The following PCDHGA2 variants were observed in gnomAD, a reference collection of about 807,000 sequenced individuals.
The protein encoded by PCDHGA2 is protocadherin gamma-A2.
A neutral mutation model predicts 59.2 loss-of-function variants in PCDHGA2; 40 were observed. That is an observed-to-expected ratio of 0.68 (90% CI 0.52 to 0.88). The LOEUF is 0.88. Ranked by LOEUF, PCDHGA2 falls within the 40% of genes least tolerant of loss-of-function variation. PCDHGA2 has a pLI of 0.00. For missense variants in PCDHGA2, 1,226 were observed against 1,204.0 expected (o/e 1.02, Z -0.27); for synonymous variants, 560 against 526.0 (o/e 1.06, Z -0.89).
intron 1 of PCDHGA2, chr5:141,362,414 C>A (rs1399148025): frequency 6.2e-7 from 1 of 1,614,058 alleles, no homozygotes; most frequent in South Asian, 1.1e-5. Context: ...GCCTCACAAT[C>A]AGCCAAGACA....
At chr5:141,473,884 G>T (rs1162382168) in intron 1 of PCDHGA2, among the ~76,000 whole-genome samples, 1 of 152,162 alleles carries the variant, frequency 6.6e-6, no homozygotes, top group African/African-American at 2.4e-5. Context: ...ATACACAAGG[G>T]TTCTGTTGGT....
intron 1 of PCDHGA2, chr5:141,393,035 CTT>C: frequency 6.2e-7 from 1 of 1,613,790 alleles, no homozygotes; most frequent in South Asian, 1.1e-5. Flanking sequence ...GGACGCAGCT[CTT>C]TGCTCTGAAC....
Position 141,477,337 on chromosome 5 carries a change from C to T in PCDHGA2, c.2425-17470C>T. ...TTACTTCTTCCCTCAAGAATTACTT[C>T]ACTTTGAAAACCAGTGCAGACCTGG... On this transcript the variant is annotated intron_variant, in intron 1 of 3. Transcript: ENST00000394576. The surrounding 1 kb of genome is among the most constrained non-coding windows in gnomAD (Gnocchi z 4.9). The T allele has an allele frequency of 1.2e-6, 2 of 1,614,166 alleles. No individual in the cohort carries two copies. Among genetic ancestry groups the T allele is most frequent in the Non-Finnish European group, 1.7e-6 (2 of 1,180,028 alleles).
At chr5:141,365,272 C>A in intron 1 of PCDHGA2, 1 of 1,613,984 alleles carries the variant, frequency 6.2e-7, no homozygotes, top group Non-Finnish European at 8.5e-7. Context: ...AATCCAGATT[C>A]TACCTCATGG....
chr5:141,428,454 C>A, intron 1 of PCDHGA2: 1 of 365,394 alleles, frequency 2.7e-6, no homozygotes, highest in Non-Finnish European at 5.2e-6. Context: ...TTTTTCCCAA[C>A]TACAATGAGG....
intron 1 of PCDHGA2, chr5:141,408,041 C>T: frequency 1.7e-6 from 2 of 1,193,652 alleles, no homozygotes; most frequent in Non-Finnish European, 2.3e-6. Context: ...AAACCAGCTC[C>T]CACACAGAGC....
In PCDHGA2 at chr5:141,432,330, A is replaced by G. The variant is rs760184218; in HGVS notation, c.2425-62477A>G. 82 of 1,614,134 alleles carry G rather than the reference A, an allele frequency of 5.1e-5. No individual in the cohort carries two copies. The highest frequency in any genetic ancestry group is 6.8e-5 in the Non-Finnish European group (80 of 1,180,048). Reference sequence around the variant, plus strand: ...GCGCTGAGCTCCTTCGACTACGAGCAGTTCCGAGACTTGCAAGTGAAAGTG... The same window carrying G: ...GCGCTGAGCTCCTTCGACTACGAGCGGTTCCGAGACTTGCAAGTGAAAGTG... On this transcript the variant is annotated intron_variant, in intron 1 of 3. Transcript: ENST00000394576. The surrounding 1 kb of genome is among the most constrained non-coding windows in gnomAD (Gnocchi z 6.0).
Position 141,383,339 on chromosome 5 carries a change from C to T in PCDHGA2, c.2424+41944C>T, listed in dbSNP as rs1244023518. ...AATGTAAAAATAATGGAGAATACAG[C>T]TCCTGGGGTTCGGTTTCCGTTAAGC... On this transcript the variant is annotated intron_variant, in intron 1 of 3. Transcript: ENST00000394576. The T allele has an allele frequency of 3.7e-6, 6 of 1,614,014 alleles. No homozygotes were observed. The highest frequency in any genetic ancestry group is 3.3e-5 in the Admixed American group (2 of 60,036).
Position 141,432,972 on chromosome 5 carries a change from C to T in PCDHGA2, c.2425-61835C>T. 1 of 1,614,218 alleles carries T rather than the reference C, an allele frequency of 6.2e-7. No homozygotes were observed. Among genetic ancestry groups the T allele is most frequent in the African/African-American group, 1.3e-5 (1 of 75,058 alleles). ...GGCGGCTTGACAGGAGCGCCGGCGT[C>T]GCACTTTGTGGGCGTGGACGGGGTG... On this transcript the variant is annotated intron_variant, in intron 1 of 3. Coordinates refer to ENST00000394576, the MANE Select transcript of PCDHGA2 (RefSeq NM_018915.4). This position sits in a 1 kb window ranked among gnomAD's most constrained non-coding sequence, Gnocchi z 6.0.
Position 141,338,819 on chromosome 5 carries a change from G to A in PCDHGA2, c.-153G>A, listed in dbSNP as rs762766737. On this transcript the variant is annotated 5_prime_UTR_variant, in exon 1 of 4. Coordinates refer to ENST00000394576, the MANE Select transcript of PCDHGA2 (RefSeq NM_018915.4). Reference sequence around the variant, plus strand: ...TGGAGGTTTGGCCCTAAAGCTTCAGGACACCAAAGAAATTCAGTCGAACAG... The same window carrying A: ...TGGAGGTTTGGCCCTAAAGCTTCAGAACACCAAAGAAATTCAGTCGAACAG... 9.4e-6 allele frequency: 13 copies of A among 1,386,916 alleles called. No homozygotes were observed. Among genetic ancestry groups the A allele is most frequent in the African/African-American group, 1.4e-5 (1 of 68,972 alleles). The allele number at this position is 1,386,916 out of a possible 1,614,324, so 85.9% of individuals were successfully genotyped here. A position where few individuals can be genotyped will look rare whatever the true frequency, so the allele number is the denominator to read the frequency against.
chr5:141,384,598 C>CA (rs756705007), intron 1 of PCDHGA2: 4 of 1,614,256 alleles, frequency 2.5e-6, no homozygotes, highest in Non-Finnish European at 2.5e-6. Flanking sequence ...GTACCCGGCC[C>CA]TCCCCACAGA....
Position 141,340,461 on chromosome 5 carries a change from AG to A in PCDHGA2, c.1495del (p.Ala499HisfsTer34). ...VTYSFAEDTV[Q>X]GAPLSSYISI... Reference sequence around the variant, plus strand: ...TACTCTTTCGCGGAGGACACTGTTCAGGGGGCACCCTTATCCTCTTACATCT... The same window carrying A: ...TACTCTTTCGCGGAGGACACTGTTCAGGGGCACCCTTATCCTCTTACATCT... On this transcript the variant is annotated frameshift_variant, in exon 1 of 4. Transcript: ENST00000394576. LOFTEE classifies it high-confidence loss of function. 3 of 1,614,190 alleles carry A rather than the reference AG, an allele frequency of 1.9e-6. No homozygotes were observed. The highest frequency in any genetic ancestry group is 1.7e-6 in the Non-Finnish European group (2 of 1,180,028).
At chr5:141,423,926 T>C (rs925790302) in intron 1 of PCDHGA2, 2 of 1,245,276 alleles carry the variant, frequency 1.6e-6, no homozygotes, top group Non-Finnish European at 2.0e-6. Flanking sequence ...CTATGCTGGT[T>C]TGGTTTGAAG....
rs757565497 is a variant in PCDHGA2 at position 141,370,731 on chromosome 5, C to A, written c.2424+29336C>A. 4 of 1,613,798 alleles carry A rather than the reference C, an allele frequency of 2.5e-6. No homozygotes were observed. The South Asian group carries it at 3.3e-5, about 13-fold the overall frequency. ...GGAATTTGAAATGGTTGCTGAAAAG[C>A]CTTTAAACTTTTTTCATGTAACTGT... On this transcript the variant is annotated intron_variant, in intron 1 of 3. Coordinates refer to ENST00000394576, the MANE Select transcript of PCDHGA2 (RefSeq NM_018915.4).
chr5:141,420,050 C>A, intron 1 of PCDHGA2: 1 of 1,614,076 alleles, frequency 6.2e-7, no homozygotes. Context: ...TGAGTCAGTT[C>A]TCTGCTCCAA....
intron 1 of PCDHGA2, chr5:141,371,242 A>G (rs759523256): frequency 3.7e-6 from 6 of 1,613,916 alleles, no homozygotes; most frequent in East Asian, 2.2e-5. Context: ...GCCTTCATCA[A>G]TATTGGCAAG....
intron 1 of PCDHGA2, chr5:141,387,709 A>C (rs1404514491): frequency 3.7e-5 from 37 of 1,008,514 alleles, no homozygotes; most frequent in Admixed American, 1.5e-4. Flanking sequence ...GGGCAGCCCC[A>C]GCTCAGACTC....
rs775051431 is a variant in PCDHGA2, at chr5:141,376,309, C to T, written c.2424+34914C>T. 2.5e-6 allele frequency: 4 copies of T among 1,614,030 alleles called. No individual in the cohort carries two copies. The East Asian group carries it at 6.7e-5, about 27-fold the overall frequency. On this transcript the variant is annotated intron_variant, in intron 1 of 3. Transcript: ENST00000394576. Reference sequence around the variant, plus strand: ...GCATGCCCGGCTCGCACTTTGTGGGCGTGGAAGGGGTTCGGGCTTTCCTGC... The same window carrying T: ...GCATGCCCGGCTCGCACTTTGTGGGTGTGGAAGGGGTTCGGGCTTTCCTGC...
At chr5:141,375,835 C>G (rs772317330) in intron 1 of PCDHGA2, 1 of 1,613,984 alleles carries the variant, frequency 6.2e-7, no homozygotes, top group African/African-American at 1.3e-5. Context: ...CCGCAGAGCC[C>G]GGCTACCTGG....
Sources: allele counts gnomAD v4.1 joint callset (sites outside exome capture counted in the v4.1 genomes callset), GRCh38; gene constraint gnomAD v4.1.1; non-coding constraint Gnocchi (gnomAD v3.1); transcripts MANE v1.5; gene names NCBI Gene and HGNC (gene_info 2026-07-23, HGNC 2026-07-21).